Variants in S100A16 observed in about 807,000 individuals in gnomAD.
S100A16 encodes the protein protein S100-A16.
A neutral mutation model predicts 9.0 loss-of-function variants in S100A16; 8 were observed. That is an observed-to-expected ratio of 0.89 (90% confidence interval 0.52 to 1.60). S100A16 has a LOEUF of 1.60. Among genes scored for constraint, S100A16 ranks in the 40% most tolerant of loss-of-function variants. The probability of loss-of-function intolerance (pLI) is 0.00; values close to 1 mark genes in which losing one functional copy is unlikely to be tolerated. For synonymous variants in S100A16, 51 were observed against 51.4 expected, an observed-to-expected ratio of 0.99 and a Z score of 0.04; for missense variants, 138 against 132.4, an observed-to-expected ratio of 1.04 and a Z score of -0.21.
In S100A16 at chr1:153,607,072, G is replaced by A. The variant is rs940141802; in HGVS notation, c.*462C>T. 9.5e-6 allele frequency: 4 copies of A among 419,428 alleles called. No individual in the cohort carries two copies. The highest frequency in any genetic ancestry group is 1.7e-5 in the South Asian group (1 of 57,736). 26.0% of individuals were successfully genotyped at this position (419,428 alleles called of 1,614,324 possible). On this transcript the variant is annotated 3_prime_UTR_variant, in exon 3 of 3. Transcript: ENST00000368706. ...AAGTGCCTCTCTACCCAGCAGAGGG[G>A]CTAAGGGAAAGTGGAGAGGTCTCTG...
At chr1:153,612,314 G>GC (rs1473751093) in intron 1 of S100A16, among the ~76,000 whole-genome samples, 4 of 152,094 alleles carry the variant, frequency 2.6e-5, no homozygotes, top group East Asian at 1.9e-4. Context: ...CCGAGGTTCA[G>GC]CCCCCCTCTC....
intron 1 of S100A16, among the ~76,000 whole-genome samples, chr1:153,610,699 GC>G (rs1386141713): frequency 6.6e-6 from 1 of 152,194 alleles, no homozygotes; most frequent in Non-Finnish European, 1.5e-5. Context: ...TCTGACAAGT[GC>G]TTTTCTGGAG....
intron 1 of S100A16, among the ~76,000 whole-genome samples, chr1:153,608,482 G>A (rs1012522431): frequency 3.9e-5 from 6 of 152,034 alleles, no homozygotes; most frequent in Non-Finnish European, 4.4e-5. Context: ...AGAGCCCTAC[G>A]GGGCAAGAGG....
intron 1 of S100A16, among the ~76,000 whole-genome samples, chr1:153,609,560 A>G (rs1396279618): frequency 2.0e-5 from 3 of 152,168 alleles, no homozygotes; most frequent in Non-Finnish European, 4.4e-5. Context: ...TTGTTCCTTG[A>G]GACAAGCATA....
In S100A16 at chr1:153,609,221, G is replaced by A. The variant is rs1051949665; in HGVS notation, c.-26-1044C>T. The A allele has an allele frequency of 7.1e-6, 7 of 985,506 alleles. No individual in the cohort carries two copies. In the East Asian group the frequency reaches 3.4e-4, roughly 48 times the overall value. The allele number at this position is 985,506 out of a possible 1,614,324, so 61.0% of individuals were successfully genotyped here. ...AGGAGATGGACAAAACAGGGTCACA[G>A]CCACCATAGGGGCCTGAGCAAGCCA... is the stretch of plus-strand genomic sequence containing the variant. On this transcript the variant is annotated intron_variant, in intron 1 of 2. Coordinates refer to ENST00000368706, the MANE Select transcript of S100A16 (RefSeq NM_080388.3).
In S100A16 at chr1:153,612,941, A is replaced by C. The variant is rs1666870569; in HGVS notation, c.-27+11T>G. On this transcript the variant is annotated intron_variant, in intron 1 of 2. Transcript: ENST00000368706. ...GCCGAAGACCTCCCAGGCCGGGCCC[A>C]GGGTGCTCACCTGCTGCCTCAGTCT... 6.5e-6 allele frequency: 1 copy of C among 152,692 alleles called. No homozygotes were observed. Among genetic ancestry groups the C allele is most frequent in the African/African-American group, 2.4e-5 (1 of 41,460 alleles). 9.5% of individuals were successfully genotyped at this position (152,692 alleles called of 1,614,324 possible). A position where few individuals can be genotyped will look rare whatever the true frequency, so the allele number is the denominator to read the frequency against.
At chr1:153,611,808 C>T (rs1666839204) in intron 1 of S100A16, among the ~76,000 whole-genome samples, 1 of 152,078 alleles carries the variant, frequency 6.6e-6, no homozygotes, top group Non-Finnish European at 1.5e-5. Context: ...TCCAATTCCA[C>T]AAGGCCCTCT....
At position 153,607,445 on chromosome 1, in the gene S100A16, G is replaced by A. The variant is rs1015135968; in HGVS notation, c.*89C>T. ...GAGGGAGAAGAGAGTAAAGGGCCCT[G>A]GGTGGGCAGGAGGCTGAGGAGGGAG... is the stretch of plus-strand genomic sequence containing the variant. On this transcript the variant is annotated 3_prime_UTR_variant, in exon 3 of 3. Coordinates refer to ENST00000368706, the MANE Select transcript of S100A16 (RefSeq NM_080388.3). The A allele has an allele frequency of 6.7e-6, 10 of 1,486,816 alleles. No homozygotes were observed. Among genetic ancestry groups the A allele is most frequent in the Non-Finnish European group, 9.3e-6 (10 of 1,072,192 alleles). The allele number at this position is 1,486,816 out of a possible 1,614,324, so 92.1% of individuals were successfully genotyped here.
chr1:153,612,555 C>T (rs1205267107), intron 1 of S100A16, among the ~76,000 whole-genome samples: 1 of 152,138 alleles, frequency 6.6e-6, no homozygotes, highest in African/African-American at 2.4e-5. Context: ...TAGGACACAG[C>T]TCCCAGAGCC....
In S100A16 at chr1:153,608,136, T is replaced by C. The variant is rs771340587; in HGVS notation, c.16A>G (p.Thr6Ala). 6.2e-7 allele frequency: 1 copy of C among 1,613,810 alleles called. No individual in the cohort carries two copies. Among genetic ancestry groups the C allele is most frequent in the Non-Finnish European group, 8.5e-7 (1 of 1,179,916 alleles). MSDCY[T>A]ELEKAVIVLV... The stretch of plus-strand genomic sequence containing the variant: ...ACAATGACTGCCTTCTCCAGCTCCG[T>C]GTAGCAGTCTGACATCTCCCTGCTT... Residue 6 changes from threonine to alanine, a missense_variant, in exon 2 of 3, where the codon ACG becomes GCG. By Grantham distance (58) the Thr-to-Ala change is moderately conservative. Transcript: ENST00000368706.
At position 153,607,608 on chromosome 1, in the gene S100A16, A is replaced by T; in HGVS notation, c.238T>A (p.Trp80Arg). 6.2e-7 allele frequency: 1 copy of T among 1,614,218 alleles called. No individual in the cohort carries two copies. The highest frequency in any genetic ancestry group is 8.5e-7 in the Non-Finnish European group (1 of 1,180,030). The part of the protein sequence containing the change: ...HDGRISFDEY[W>R]TLIGGITGPI... ...CCGGTGATGCCGCCTATCAAGGTCC[A>T]GTACTCATCGAAGCTGATGCGCCCA... Residue 80 changes from tryptophan (W) to arginine (R), a missense_variant, in exon 3 of 3, where the codon TGG (tryptophan) becomes AGG (arginine). Coordinates refer to ENST00000368706, the MANE Select transcript of S100A16 (RefSeq NM_080388.3).
chr1:153,609,684 T>A (rs377474271), intron 1 of S100A16, among the ~76,000 whole-genome samples: 1 of 152,188 alleles, frequency 6.6e-6, no homozygotes, highest in East Asian at 1.9e-4. Context: ...TCTCTGCATC[T>A]CTCCAGCCCA....
At chr1:153,611,340 C>G (rs1447167730) in intron 1 of S100A16, among the ~76,000 whole-genome samples, 1 of 151,196 alleles carries the variant, frequency 6.6e-6, no homozygotes, top group East Asian at 1.9e-4. Context: ...ACCACACCGT[C>G]CTAAGTCCAC....
chr1:153,607,963 G>C (rs1259259969), intron 2 of S100A16, 36 bp downstream of exon 2: 1 of 1,604,586 alleles, frequency 6.2e-7, no homozygotes, highest in Non-Finnish European at 8.5e-7. Flanking sequence ...GAGGGAAGGG[G>C]AGAGGGAGGC....
At chr1:153,609,033 G>A in intron 1 of S100A16, 1 of 985,732 alleles carries the variant, frequency 1.0e-6, no homozygotes, top group South Asian at 4.7e-5. Context: ...ACAGCCTTCT[G>A]AATAACAGGA....
chr1:153,610,624 C>T (rs1375922259), intron 1 of S100A16, among the ~76,000 whole-genome samples: 2 of 152,222 alleles, frequency 1.3e-5, no homozygotes, highest in African/African-American at 4.8e-5. Flanking sequence ...CAGCTCCCAG[C>T]CCCTCCTCCC....
chr1:153,609,954 C>T (rs1438454958), intron 1 of S100A16, among the ~76,000 whole-genome samples: 1 of 152,234 alleles, frequency 6.6e-6, no homozygotes, highest in Non-Finnish European at 1.5e-5. Context: ...TGCCCAAACC[C>T]TCTGGTCCTT....
intron 1 of S100A16, chr1:153,608,432 G>A (rs888387270): frequency 4.6e-6 from 2 of 436,284 alleles, no homozygotes; most frequent in Non-Finnish European, 8.3e-6. Context: ...CCAGCCCCAG[G>A]CACCAGGTTC....
chr1:153,608,727 G>A (rs1254793722), intron 1 of S100A16, among the ~76,000 whole-genome samples: 1 of 152,202 alleles, frequency 6.6e-6, no homozygotes, highest in Non-Finnish European at 1.5e-5. Context: ...TGAGTCCCGG[G>A]TCTCAGAACC....
Sources: allele counts gnomAD v4.1 joint callset (sites outside exome capture counted in the v4.1 genomes callset), GRCh38; gene constraint gnomAD v4.1.1; transcripts MANE v1.5; gene names NCBI Gene and HGNC (gene_info 2026-07-23, HGNC 2026-07-21).